ATRN: variants seen among roughly 807,000 people sequenced by gnomAD.
ATRN encodes attractin, also known as attractin-2.
A neutral mutation model predicts 178.7 loss-of-function variants in ATRN; 54 were observed. The ratio of observed to expected loss-of-function variants is 0.30; its 90% confidence interval spans 0.24 to 0.38. ATRN has a LOEUF of 0.38. ATRN is among the 10% of genes least tolerant of loss of function. The probability of loss-of-function intolerance (pLI) is 1.00; values close to 1 mark genes in which losing one functional copy is unlikely to be tolerated. For missense variants in ATRN, 1,443 were observed against 1,815.1 expected, an observed-to-expected ratio of 0.79 and a Z score of 3.73; for synonymous variants, 636 against 663.0, an observed-to-expected ratio of 0.96 and a Z score of 0.63.
chr20:3,491,863 T>TA (rs1195179394), intron 1 of ATRN, among the ~76,000 whole-genome samples: 2 of 151,640 alleles, frequency 1.3e-5, no homozygotes, highest in African/African-American at 4.9e-5. Flanking sequence ...TAAATAACCA[T>TA]AAAAAATTTC....
In ATRN at chr20:3,504,357, A is replaced by C. The variant is rs185011281; in HGVS notation, c.411-30896A>C. 2.6e-5 allele frequency among the ~76,000 whole-genome samples: 4 copies of C among 152,068 alleles called. No homozygotes were observed. The East Asian group carries it at 7.7e-4, about 29-fold the overall frequency. The stretch of plus-strand genomic sequence containing the variant: ...AGGAAGGAAGAAGGAACAATGGAAA[A>C]ATAGAAATATGGGTACATAAAATAA... On this transcript the variant is annotated intron_variant, in intron 1 of 28. Coordinates refer to ENST00000262919, the MANE Select transcript of ATRN (RefSeq NM_139321.3).
chr20:3,555,999 G>A (rs2146213599), intron 6 of ATRN, among the ~76,000 whole-genome samples: 1 of 152,278 alleles, frequency 6.6e-6, no homozygotes, highest in Middle Eastern at 3.4e-3. Context: ...AGAAAAACAA[G>A]CTAGAAGACA....
intron 16 of ATRN, 78 bp from the exon 17 acceptor site, chr20:3,583,819 GA>G: frequency 7.5e-7 from 1 of 1,328,776 alleles, no homozygotes; most frequent in Non-Finnish European, 1.0e-6. Flanking sequence ...AAAAAAAAAA[GA>G]AAAGAAAGAA....
At chr20:3,597,514 AGACAGTGGTAATCTCAT>A (rs1399022834) in intron 21 of ATRN, among the ~76,000 whole-genome samples, 10 of 152,358 alleles carry the variant, frequency 6.6e-5, no homozygotes, top group African/African-American at 2.2e-4. Context: ...GCTTTTTAGA[AGACAGTGGTAATCTCAT>A]GTCTGCTTCT....
rs2086223549 is a variant in ATRN, at chr20:3,577,115, TC to T, written c.2353+123del. The T allele has an allele frequency of 7.8e-6, 10 of 1,277,238 alleles. No individual in the cohort carries two copies. The South Asian group carries it at 1.4e-4, about 18-fold the overall frequency. 79.1% of individuals were successfully genotyped at this position (1,277,238 alleles called of 1,614,324 possible). A position where few individuals can be genotyped will look rare whatever the true frequency, so the allele number is the denominator to read the frequency against. ...GGGAAGAGCTAATTCTGTCCATTCA[TC>T]CCCCACACGAGTATTATGGGCTTTT... On this transcript the variant is annotated intron_variant, in intron 14 of 28. Coordinates refer to ENST00000262919, the MANE Select transcript of ATRN (RefSeq NM_139321.3).
At chr20:3,620,132 AC>A (rs2086885543) in intron 24 of ATRN, among the ~76,000 whole-genome samples, 1 of 150,706 alleles carries the variant, frequency 6.6e-6, no homozygotes, top group Admixed American at 6.6e-5. Flanking sequence ...TGGGGATTTA[AC>A]CTTCCAATTA....
At chr20:3,558,909 C>T (rs954590388) in intron 6 of ATRN, among the ~76,000 whole-genome samples, 1 of 152,008 alleles carries the variant, frequency 6.6e-6, no homozygotes, top group African/African-American at 2.4e-5. Flanking sequence ...ATTCGTAGTA[C>T]AAGTGAAATG....
rs753203817 is a variant in ATRN at position 3,560,724 on chromosome 20, A to G, written c.1266A>G (p.Arg422=). Residue 422 remains arginine, a synonymous_variant, in exon 8 of 29, where the codon AGA becomes AGG. Transcript: ENST00000262919. The part of the protein sequence containing the change: ...DSTGNVTNEL[R]VFHIHNESWV... ...CTGGGAATGTGACCAATGAGTTGAG[A>G]GTTTTTCACATTCATAATGAGTCAT... 27 of 1,613,786 alleles carry G rather than the reference A, an allele frequency of 1.7e-5. No homozygotes were observed. The highest frequency in any genetic ancestry group is 2.3e-5 in the Non-Finnish European group (27 of 1,179,708).
intron 1 of ATRN, among the ~76,000 whole-genome samples, chr20:3,499,485 G>T (rs1183917056): frequency 6.7e-6 from 1 of 150,062 alleles, no homozygotes; most frequent in African/African-American, 2.5e-5. Flanking sequence ...CCAAAACAGA[G>T]ATATAGATCA....
chr20:3,583,824 G>GA, intron 16 of ATRN, 74 bp from the exon 17 acceptor site: 2 of 1,388,070 alleles, frequency 1.4e-6, no homozygotes, highest in East Asian at 2.3e-5. Context: ...AAAAAGAAAA[G>GA]AAAGAAAGAA....
rs772370593 is a variant in ATRN, at chr20:3,634,402, G to A, written c.3942+13G>A. ...CAGACGTAGAGAGGTAAGCTTCAGT[G>A]GGTAAAGATTAAAGAATCCCTGGAA... On this transcript the variant is annotated intron_variant, in intron 26 of 28. Transcript: ENST00000262919. 6.2e-7 allele frequency: 1 copy of A among 1,607,614 alleles called. No individual in the cohort carries two copies. Among genetic ancestry groups the A allele is most frequent in the South Asian group, 1.1e-5 (1 of 90,712 alleles).
At position 3,504,257 on chromosome 20, in the gene ATRN, A is replaced by G. The variant is rs180863237; in HGVS notation, c.411-30996A>G. On this transcript the variant is annotated intron_variant, in intron 1 of 28. Coordinates refer to ENST00000262919, the MANE Select transcript of ATRN (RefSeq NM_139321.3). ...TACCTAAAGAATTTGTTGCTAGCAG[A>G]ACAACCCTTAAAATTGGCTAAAGGA... Among the ~76,000 whole-genome samples the G allele has an allele frequency of 4.2e-3, 635 of 152,302 alleles. 5 individuals are homozygous for G. Among genetic ancestry groups the G allele is most frequent in the African/African-American group, 0.014 (599 of 41,556 alleles).
intron 1 of ATRN, among the ~76,000 whole-genome samples, chr20:3,492,861 G>A (rs1389956925): frequency 2.4e-4 from 29 of 123,116 alleles, no homozygotes; most frequent in Admixed American, 4.6e-4. Flanking sequence ...AGAGGCGCGC[G>A]CGCGCGTGCG....
At chr20:3,622,662 C>G (rs1316649552) in intron 24 of ATRN, among the ~76,000 whole-genome samples, 1 of 152,234 alleles carries the variant, frequency 6.6e-6, no homozygotes, top group Non-Finnish European at 1.5e-5. Flanking sequence ...TCTAAGTGGT[C>G]AGTGCTTTCA....
At chr20:3,643,305 C>T (rs1033451982) in intron 27 of ATRN, among the ~76,000 whole-genome samples, 2 of 152,188 alleles carry the variant, frequency 1.3e-5, no homozygotes, top group African/African-American at 4.8e-5. Context: ...GCTGGGACTT[C>T]TGACCTCTAA....
At position 3,572,009 on chromosome 20, in the gene ATRN, A is replaced by G. The variant is rs544784548; in HGVS notation, c.1872-722A>G. 3.4e-4 allele frequency among the ~76,000 whole-genome samples: 52 copies of G among 152,210 alleles called. No individual in the cohort carries two copies. In the South Asian group the frequency reaches 5.2e-3, roughly 15 times the overall value. On this transcript the variant is annotated intron_variant, in intron 11 of 28. Transcript: ENST00000262919. Reference sequence around the variant, plus strand: ...CCCAGAATGTAGAGAAATAGATTCAATTTTATTTTTTTCCATATGTTTAGT... The same window carrying G: ...CCCAGAATGTAGAGAAATAGATTCAGTTTTATTTTTTTCCATATGTTTAGT...
intron 1 of ATRN, 134 bp from the exon 2 acceptor site, chr20:3,535,119 A>C (rs1280699983): frequency 3.7e-6 from 1 of 272,740 alleles, no homozygotes; most frequent in Non-Finnish European, 6.6e-6. Context: ...AGTGTTTGTT[A>C]ATGTACCCAT....
chr20:3,620,416 T>C (rs2146311779), intron 24 of ATRN, among the ~76,000 whole-genome samples: 1 of 152,298 alleles, frequency 6.6e-6, no homozygotes, highest in East Asian at 1.9e-4. Context: ...CAGCTAATTT[T>C]TGTATTTTTA....
intron 25 of ATRN, among the ~76,000 whole-genome samples, chr20:3,630,791 T>C (rs2146320337): frequency 6.6e-6 from 1 of 152,298 alleles, no homozygotes; most frequent in South Asian, 2.1e-4. Flanking sequence ...AACTTTGGTT[T>C]TTCTAGACGA....
Sources: gnomAD v4.1 joint callset for allele counts (sites outside exome capture counted in the v4.1 genomes callset) on GRCh38, gnomAD v4.1.1 for gene constraint, MANE v1.5 for transcripts, NCBI Gene and HGNC (gene_info 2026-07-23, HGNC 2026-07-21) for gene names.